The following KLF8 variants were observed in gnomAD, a reference collection of about 807,000 sequenced individuals.
The protein encoded by KLF8 is Krueppel-like factor 8.
Under a neutral mutation model 18.2 loss-of-function variants are expected in KLF8, and 10 were observed. The observed-to-expected ratio is 0.55, with a 90% confidence interval of 0.34 to 0.93. KLF8 has a LOEUF of 0.93. KLF8 is among the 40% of genes least tolerant of loss of function. The probability of loss-of-function intolerance (pLI) is 0.02; values close to 1 mark genes in which losing one functional copy is unlikely to be tolerated. For synonymous variants in KLF8, 109 were observed against 97.3 expected, an observed-to-expected ratio of 1.12 and a Z score of -0.71; for missense variants, 264 against 277.9, an observed-to-expected ratio of 0.95 and a Z score of 0.36.
the KLF8 span, among the ~76,000 whole-genome samples, chrX:56,030,988 G>A: frequency 9.0e-6 from 1 of 110,588 alleles, no homozygotes; most frequent in Admixed American, 9.6e-5. Context: ...GTTACTTTGT[G>A]CCATACCTTT....
At chrX:56,248,160 G>A (rs182801103) in intron 1 of KLF8, among the ~76,000 whole-genome samples, 156 of 110,693 alleles carry the variant, frequency 1.4e-3, no homozygotes, top group Admixed American at 5.8e-3. Flanking sequence ...GGCCTGTCAT[G>A]GGGTGGGGGG....
the KLF8 span, among the ~76,000 whole-genome samples, chrX:56,223,431 C>CTATG: frequency 8.9e-6 from 1 of 112,503 alleles, no homozygotes; most frequent in Non-Finnish European, 1.9e-5. Flanking sequence ...ACCCCCAATA[C>CTATG]TATGGCCCCT....
the KLF8 span, among the ~76,000 whole-genome samples, chrX:56,052,999 C>G: frequency 8.9e-6 from 1 of 111,906 alleles, no homozygotes; most frequent in South Asian, 3.7e-4. Context: ...GTCAGAAAAG[C>G]GCAGTAGTCA....
chrX:56,101,726 T>C, the KLF8 span, among the ~76,000 whole-genome samples: 1 of 112,387 alleles, frequency 8.9e-6, no homozygotes, highest in Non-Finnish European at 1.9e-5. Flanking sequence ...TTTCTTATGC[T>C]TCTTGGCTGA....
At chrX:55,945,273 G>T in the KLF8 span, among the ~76,000 whole-genome samples, 9 of 110,869 alleles carry the variant, frequency 8.1e-5, no homozygotes, top group African/African-American at 2.3e-4. Context: ...TTTTGGAATA[G>T]GTGTGGTGTG....
chrX:56,029,366 C>T, the KLF8 span, among the ~76,000 whole-genome samples: 1 of 111,462 alleles, frequency 9.0e-6, no homozygotes, highest in Admixed American at 9.5e-5. Context: ...AAGGGGCAGT[C>T]AGGCATATAC....
At chrX:56,039,413 C>T in the KLF8 span, among the ~76,000 whole-genome samples, 1 of 111,706 alleles carries the variant, frequency 9.0e-6, no homozygotes, top group East Asian at 2.8e-4. Flanking sequence ...GGCCTAATTT[C>T]AGTTTTCTGC....
the KLF8 span, among the ~76,000 whole-genome samples, chrX:56,105,766 TTAG>T: frequency 9.0e-6 from 1 of 111,627 alleles, no homozygotes; most frequent in African/African-American, 3.3e-5. Context: ...CATTATGATG[TTAG>T]GTAGTTATTT....
At chrX:56,010,588 A>G in the KLF8 span, among the ~76,000 whole-genome samples, 1 of 111,875 alleles carries the variant, frequency 8.9e-6, no homozygotes, top group South Asian at 3.8e-4. Context: ...CATCATGATG[A>G]CCAGATCAAA....
the KLF8 span, among the ~76,000 whole-genome samples, chrX:56,020,518 T>G: frequency 9.0e-6 from 1 of 111,385 alleles, no homozygotes; most frequent in Non-Finnish European, 1.9e-5. Flanking sequence ...GGCTATTGAT[T>G]GGTTGTGGGA....
At chrX:56,154,928 A>T in the KLF8 span, among the ~76,000 whole-genome samples, 1 of 111,821 alleles carries the variant, frequency 8.9e-6, no homozygotes, top group Non-Finnish European at 1.9e-5. Context: ...CCAGTTAGAA[A>T]AGTGATCATT....
chrX:56,137,433 T>G, the KLF8 span, among the ~76,000 whole-genome samples: 56 of 105,210 alleles, frequency 5.3e-4, no homozygotes, highest in Non-Finnish European at 9.6e-4. Context: ...CCATAAAAAA[T>G]GATGAGTTCA....
At chrX:56,098,140 T>G in the KLF8 span, among the ~76,000 whole-genome samples, 1 of 111,893 alleles carries the variant, frequency 8.9e-6, no homozygotes, top group Non-Finnish European at 1.9e-5. Flanking sequence ...CTCTCTTGCT[T>G]CCTCCCTTTC....
At chrX:55,910,078 A>G in the KLF8 span, among the ~76,000 whole-genome samples, 2 of 112,167 alleles carry the variant, frequency 1.8e-5, no homozygotes, top group East Asian at 2.8e-4. Context: ...TGTTTGGTCA[A>G]TGGAATGCCA....
chrX:56,013,280 G>A, the KLF8 span, among the ~76,000 whole-genome samples: 1 of 112,273 alleles, frequency 8.9e-6, no homozygotes, highest in African/African-American at 3.2e-5. Flanking sequence ...TCTTCCACTT[G>A]GAATTGGTGT....
chrX:55,967,711 CAT>C, the KLF8 span, among the ~76,000 whole-genome samples: 2 of 111,519 alleles, frequency 1.8e-5, no homozygotes, highest in South Asian at 7.5e-4. Flanking sequence ...TAGAAAAACA[CAT>C]AATATTATAA....
chrX:55,951,722 A>T, the KLF8 span, among the ~76,000 whole-genome samples: 1 of 110,238 alleles, frequency 9.1e-6, no homozygotes, highest in Non-Finnish European at 1.9e-5. Context: ...CGGACCTTAA[A>T]AGATCTGGTA....
chrX:56,139,124 A>T, the KLF8 span, among the ~76,000 whole-genome samples: 1 of 111,823 alleles, frequency 8.9e-6, no homozygotes, highest in Admixed American at 9.5e-5. Context: ...TACAAAGAAA[A>T]TTACAAAACA....
the KLF8 span, among the ~76,000 whole-genome samples, chrX:55,952,713 G>T: frequency 1.8e-5 from 2 of 111,946 alleles, no homozygotes; most frequent in Admixed American, 1.9e-4. Flanking sequence ...TAGAATGTGG[G>T]CTTCTTTGGG....
Sources: allele counts gnomAD v4.1 joint callset (sites outside exome capture counted in the v4.1 genomes callset), GRCh38; gene constraint gnomAD v4.1.1; transcripts MANE v1.5; gene names NCBI Gene and HGNC (gene_info 2026-07-23, HGNC 2026-07-21).